GARS1: variants seen among roughly 807,000 people sequenced by gnomAD.
The protein encoded by GARS1 is glycine--tRNA ligase.
Under a neutral mutation model 86.4 loss-of-function variants are expected in GARS1, and 46 were observed. That is an observed-to-expected ratio of 0.53 (90% CI 0.42 to 0.68). GARS1 has a LOEUF of 0.68. GARS1 is among the 30% of genes least tolerant of loss of function. GARS1 has a pLI of 0.00. For synonymous variants in GARS1, 342 were observed against 329.8 expected, an observed-to-expected ratio of 1.04 and a Z score of -0.40; for missense variants, 797 against 915.6, an observed-to-expected ratio of 0.87 and a Z score of 1.67.
At chr7:30,628,373 C>T (rs950351357) in intron 13 of GARS1, 187 bp from the exon 14 acceptor site, 7 of 462,164 alleles carry the variant, frequency 1.5e-5, no homozygotes, top group Admixed American at 2.5e-5. Context: ...TTAGTAGAGA[C>T]GGGGTTTCAC....
Position 30,603,499 on chromosome 7 carries a change from A to G in GARS1, c.662A>G (p.His221Arg), listed in dbSNP as rs1279978899. 3.1e-6 allele frequency: 5 copies of G among 1,612,616 alleles called. No homozygotes were observed. In the Admixed American group the frequency reaches 6.7e-5, roughly 21 times the overall value. Residue 221 changes from histidine to arginine, a missense_variant, in exon 6 of 17, where the codon CAT (histidine) becomes CGT (arginine). His to Arg is a conservative substitution (Grantham distance 29, BLOSUM62 0). This residue lies in a region of GARS1 where 598 missense variants were observed against 738.7 expected (regional missense o/e 0.81). Transcript: ENST00000389266. The stretch of plus-strand genomic sequence containing the variant: ...TATGTCAACACTGTTCTTACAGCTC[A>G]TTTACAGAAATTGATGTCTGATAAG... ...CFRADHLLKA[H>R]LQKLMSDKKC...
rs570608946 is a variant in GARS1 at position 30,595,049 on chromosome 7, C to G, written c.128C>G (p.Pro43Arg). The G allele has an allele frequency of 5.8e-6, 9 of 1,558,110 alleles. No individual in the cohort carries two copies. The highest frequency in any genetic ancestry group is 2.4e-5 in the East Asian group (1 of 42,536). The change falls in exon 1 of 17, where the codon CCG becomes CGG. Residue 43 changes from proline to arginine, a missense_variant. Pro to Arg is a moderately radical substitution (Grantham distance 103). Around this residue, in one of 2 missense-constraint regions of GARS1, gnomAD observed 199 missense variants for 176.9 expected, o/e 1.12. Transcript: ENST00000389266. ...TCCCTCAGCGCGGCCTCCTGCCCCC[C>G]GATCTCCTTGCCCGCCGCCGCCTCC... is the stretch of plus-strand genomic sequence containing the variant. ...RRSLSAASCP[P>R]ISLPAAASRS...
rs773138162 is a variant in GARS1, at chr7:30,594,947, T to G, written c.26T>G (p.Leu9Arg). 6.3e-7 allele frequency: 1 copy of G among 1,595,762 alleles called. No individual in the cohort carries two copies. Among genetic ancestry groups the G allele is most frequent in the Admixed American group, 1.7e-5 (1 of 59,594 alleles). Reference protein sequence around the residue: MPSPRPVLLRGARAALLLL... With the variant: MPSPRPVLRRGARAALLLL... ...ATGCCCTCTCCGCGTCCAGTGCTGCTTAGAGGTGCTCGCGCCGCTCTGCTG... is the reference window on the plus strand; with the variant it reads ...ATGCCCTCTCCGCGTCCAGTGCTGCGTAGAGGTGCTCGCGCCGCTCTGCTG... The change falls in exon 1 of 17, where the codon CTT (leucine) becomes CGT (arginine). Residue 9 changes from leucine to arginine, a missense_variant. Transcript: ENST00000389266.
chr7:30,612,692 A>G (rs923708695), intron 8 of GARS1, among the ~76,000 whole-genome samples: 23 of 152,218 alleles, frequency 1.5e-4, no homozygotes, highest in African/African-American at 5.3e-4. Context: ...GTGAGGATGT[A>G]TCAGTAACCA....
intron 8 of GARS1, among the ~76,000 whole-genome samples, chr7:30,613,188 A>G (rs750994297): frequency 1.1e-4 from 17 of 152,094 alleles, no homozygotes; most frequent in African/African-American, 3.6e-4. Flanking sequence ...GAAGATGCCT[A>G]TGTTCTGCGC....
In GARS1 at chr7:30,628,540, A is replaced by T. The variant is rs1461154070; in HGVS notation, c.1700-20A>T. ...TGTGGTATTTGAGAGAATGTTATTG[A>T]ATTTCTATCTCTTTTTCAGTGGAAG... On this transcript the variant is annotated intron_variant, in intron 13 of 16. Transcript: ENST00000389266. The T allele has an allele frequency of 6.6e-7, 1 of 1,526,234 alleles. No individual in the cohort carries two copies. 94.5% of individuals were successfully genotyped at this position (1,526,234 alleles called of 1,614,324 possible). A position where few individuals can be genotyped will look rare whatever the true frequency, so the allele number is the denominator to read the frequency against.
At position 30,594,954 on chromosome 7, in the gene GARS1, T is replaced by G; in HGVS notation, c.33T>G (p.Gly11=). Residue 11 remains glycine (G), a synonymous_variant, in exon 1 of 17, where the codon GGT becomes GGG. Coordinates refer to ENST00000389266, the MANE Select transcript of GARS1 (RefSeq NM_002047.4). ...CTCCGCGTCCAGTGCTGCTTAGAGG[T>G]GCTCGCGCCGCTCTGCTGCTGCTGC... MPSPRPVLLR[G]ARAALLLLLP... is the part of the protein sequence containing the mutation. The G allele has an allele frequency of 6.3e-7, 1 of 1,595,714 alleles. No homozygotes were observed.
chr7:30,606,699 T>C (rs1045056071), intron 6 of GARS1, among the ~76,000 whole-genome samples: 1 of 152,192 alleles, frequency 6.6e-6, no homozygotes, highest in African/African-American at 2.4e-5. Context: ...TCTCATCTTA[T>C]ACATTTCCTG....
rs1554337956 is a variant in GARS1 at position 30,609,608 on chromosome 7, A to G, written c.759A>G (p.Glu253=). The G allele has an allele frequency of 6.2e-7, 1 of 1,613,136 alleles. No homozygotes were observed. The change falls in exon 7 of 17, where the codon GAA becomes GAG. Residue 253 remains glutamate (E), a synonymous_variant. Coordinates refer to ENST00000389266, the MANE Select transcript of GARS1 (RefSeq NM_002047.4). ...LAQLDNYGQQ[E]LADLFVNYNV... Reference sequence around the variant, plus strand: ...AGCTTGATAACTATGGACAGCAAGAACTTGCGGATCTTTTTGTGAACTATA... The same window carrying G: ...AGCTTGATAACTATGGACAGCAAGAGCTTGCGGATCTTTTTGTGAACTATA...
intron 1 of GARS1, 21 bp downstream of exon 1, chr7:30,595,164 C>T: frequency 6.5e-7 from 1 of 1,531,262 alleles, no homozygotes; most frequent in Non-Finnish European, 8.8e-7. Flanking sequence ...TTTGCGCTCT[C>T]CGCTAAGCCT....
intron 11 of GARS1, 149 bp downstream of exon 11, chr7:30,621,649 C>T: frequency 1.4e-6 from 1 of 713,152 alleles, no homozygotes; most frequent in Non-Finnish European, 2.5e-6. Flanking sequence ...TTTTACCTAT[C>T]CCTTTGTTCC....
rs772636108 is a variant in GARS1 at position 30,621,380 on chromosome 7, T to A, written c.1360-13T>A. On this transcript the variant is annotated splice_polypyrimidine_tract_variant and intron_variant, in intron 10 of 16. Transcript: ENST00000389266. ...ATAAGTAAGTAATGTTTTTATTGAT[T>A]ATATCTTTTTAGGGTTGGATTGAGA... 4 of 1,608,084 alleles carry A rather than the reference T, an allele frequency of 2.5e-6. No individual in the cohort carries two copies. The Admixed American group carries it at 6.7e-5, about 27-fold the overall frequency.
intron 15 of GARS1, 32 bp downstream of exon 15, chr7:30,631,573 G>A (rs748593769): frequency 7.4e-5 from 102 of 1,383,246 alleles, no homozygotes; most frequent in Middle Eastern, 1.8e-4. Context: ...AACTCCATGG[G>A]AACACCATCA....
At chr7:30,623,818 G>T (rs1783068344) in intron 12 of GARS1, among the ~76,000 whole-genome samples, 1 of 152,164 alleles carries the variant, frequency 6.6e-6, no homozygotes, top group Non-Finnish European at 1.5e-5. Flanking sequence ...AACCTTTAAA[G>T]CAGCTAGTGG....
chr7:30,623,479 G>A (rs1030516264), intron 12 of GARS1, among the ~76,000 whole-genome samples: 2 of 152,010 alleles, frequency 1.3e-5, no homozygotes, highest in Admixed American at 1.3e-4. Context: ...AATGTCACTG[G>A]ATGGGATTAA....
At chr7:30,630,041 C>A (rs142564522) in intron 14 of GARS1, among the ~76,000 whole-genome samples, 1 of 152,190 alleles carries the variant, frequency 6.6e-6, no homozygotes, top group Non-Finnish European at 1.5e-5. Flanking sequence ...GAATTCCCAT[C>A]ATGAAGAGAA....
chr7:30,596,064 A>G (rs1316498631), intron 1 of GARS1: 1 of 360,486 alleles, frequency 2.8e-6, no homozygotes, highest in African/African-American at 2.1e-5. Flanking sequence ...CCCATATGCA[A>G]TTAGGGAGAG....
Position 30,594,883 on chromosome 7 carries a change from C to A in GARS1, c.-39C>A, listed in dbSNP as rs1268711261. 2.0e-6 allele frequency: 3 copies of A among 1,500,770 alleles called. No individual in the cohort carries two copies. Among genetic ancestry groups the A allele is most frequent in the South Asian group, 2.4e-5 (2 of 83,006 alleles). The allele number at this position is 1,500,770 out of a possible 1,614,324, so 93.0% of individuals were successfully genotyped here. A position where few individuals can be genotyped will look rare whatever the true frequency, so the allele number is the denominator to read the frequency against. ...CGAGCCGGGCGGCGCGCGCCGCTTC[C>A]GTCGCCACCCTCTCTGGACAGCCCA... On this transcript the variant is annotated 5_prime_UTR_variant, in exon 1 of 17. Coordinates refer to ENST00000389266, the MANE Select transcript of GARS1 (RefSeq NM_002047.4).
chr7:30,630,213 A>C (rs909563420), intron 14 of GARS1, among the ~76,000 whole-genome samples: 1 of 152,258 alleles, frequency 6.6e-6, no homozygotes, highest in African/African-American at 2.4e-5. Context: ...ATTAAATAGA[A>C]ATATCACAAG....
Sources: gnomAD v4.1 joint callset for allele counts (sites outside exome capture counted in the v4.1 genomes callset) on GRCh38, gnomAD v4.1.1 for gene constraint, gnomAD v4.1.1 regional missense constraint, MANE v1.5 for transcripts, NCBI Gene and HGNC (gene_info 2026-07-23, HGNC 2026-07-21) for gene names.